Variants in RSPH10B2 observed in about 807,000 individuals in gnomAD.
RSPH10B2 encodes the protein radial spoke head 10 homolog B2.
RSPH10B2 carries 9 observed loss-of-function variants against 49.0 expected under a neutral mutation model. That is an observed-to-expected ratio of 0.18 (90% confidence interval 0.11 to 0.32). The LOEUF (loss-of-function observed/expected upper bound fraction) is 0.32, where lower values mean the gene tolerates loss of function less well. Ranked by LOEUF, RSPH10B2 falls within the 10% of genes least tolerant of loss-of-function variation. RSPH10B2 has a pLI of 1.00. For missense variants in RSPH10B2, 95 were observed against 589.9 expected (o/e 0.16, Z 8.69); for synonymous variants, 35 against 210.2 (o/e 0.17, Z 7.21).
chr7:6,769,754 C>CTT lies in RSPH10B2; in HGVS notation c.957+1011_957+1012dup, dbSNP rs911131827. On this transcript the variant is annotated intron_variant, in intron 7 of 18. Coordinates refer to ENST00000297186, the Ensembl canonical transcript of RSPH10B2. ...CAGGTGTGCGCCACCACGCCCGGCT[C>CTT]TTTTTTTTTTTTTTTTTTTTTTTTA... 7.8e-5 allele frequency among the ~76,000 whole-genome samples: 6 copies of CTT among 76,638 alleles called. No homozygotes were observed. The East Asian group carries it at 8.1e-4, about 10-fold the overall frequency. The allele number at this position is 76,638 out of a possible 152,430, so 50.3% of individuals were successfully genotyped here. A position where few individuals can be genotyped will look rare whatever the true frequency, so the allele number is the denominator to read the frequency against.
rs1433611998 is a variant in RSPH10B2 at position 6,780,757 on chromosome 7, T to C, written c.1530-52T>C. On this transcript the variant is annotated intron_variant, in intron 11 of 18. Transcript: ENST00000297186. ...CGTGCTCAAGGAGAAGGGAATTATG[T>C]TCCCTCTTTTGGAGGAGAAGTAACT... The C allele has an allele frequency of 4.3e-4, 564 of 1,309,156 alleles. 146 individuals carry two copies. The highest frequency in any genetic ancestry group is 5.5e-4 in the Non-Finnish European group (546 of 994,646). The allele number at this position is 1,309,156 out of a possible 1,614,324, so 81.1% of individuals were successfully genotyped here. A position where few individuals can be genotyped will look rare whatever the true frequency, so the allele number is the denominator to read the frequency against.
intron 17 of RSPH10B2, among the ~76,000 whole-genome samples, chr7:6,792,609 C>T (rs1444254754): frequency 8.6e-6 from 1 of 115,982 alleles, no homozygotes; most frequent in African/African-American, 3.4e-5. Flanking sequence ...ATTCCTCAGC[C>T]GTGTCCGTGT....
At chr7:6,758,769 C>T (rs1208172972) in intron 1 of RSPH10B2, among the ~76,000 whole-genome samples, 16 of 118,564 alleles carry the variant, frequency 1.3e-4, no homozygotes, top group Non-Finnish European at 2.3e-4. Context: ...CACTTGAACC[C>T]GGGAGGCAGA....
intron 4 of RSPH10B2, among the ~76,000 whole-genome samples, chr7:6,764,825 T>A (rs1437937092): frequency 1.5e-5 from 2 of 136,732 alleles, no homozygotes; most frequent in Admixed American, 7.7e-5. Context: ...CAAGAAGGAA[T>A]GAGTTTGCCT....
Position 6,782,759 on chromosome 7 carries a change from T to C in RSPH10B2, c.1758+1283T>C, listed in dbSNP as rs2115457742. Among the ~76,000 whole-genome samples the C allele has an allele frequency of 1.7e-5, 2 of 116,196 alleles. 1 individual carries two copies. Among genetic ancestry groups the C allele is most frequent in the South Asian group, 7.9e-4 (2 of 2,526 alleles). 76.2% of individuals were successfully genotyped at this position (116,196 alleles called of 152,430 possible). On this transcript the variant is annotated intron_variant, in intron 13 of 18. Coordinates refer to ENST00000297186, the Ensembl canonical transcript of RSPH10B2. ...TTAGCCAGGCATGGTGGCCAGAGCC[T>C]GTAATCCCAGCCACTTCGGAGGCTG...
intron 6 of RSPH10B2, 113 bp downstream of exon 8, chr7:6,766,990 T>C (rs1583503783): frequency 9.6e-7 from 1 of 1,044,306 alleles, no homozygotes; most frequent in East Asian, 2.4e-5. Context: ...AGACAGAGTC[T>C]CTCTCTGTCT....
chr7:6,783,551 C>T (rs1250291083), intron 13 of RSPH10B2, among the ~76,000 whole-genome samples: 1 of 125,668 alleles, frequency 8.0e-6, no homozygotes, highest in East Asian at 2.5e-4. Context: ...TGGCTTCCTG[C>T]AACCTCAACC....
chr7:6,763,813 G>C, intron 3 of RSPH10B2, 115 bp from the exon 6 acceptor site: 1 of 905,484 alleles, frequency 1.1e-6, no homozygotes, highest in Non-Finnish European at 1.7e-6. Context: ...GTCCACAGGA[G>C]AGGCAAGAAC....
At chr7:6,763,709 T>G (rs1321635296) in intron 3 of RSPH10B2, among the ~76,000 whole-genome samples, 1 of 146,054 alleles carries the variant, frequency 6.8e-6, no homozygotes, top group Non-Finnish European at 1.5e-5. Flanking sequence ...TCCTCCTGCC[T>G]GAGCTTCCGC....
intron 9 of RSPH10B2, among the ~76,000 whole-genome samples, chr7:6,775,108 CAG>C (rs1412621156): frequency 2.0e-3 from 203 of 99,930 alleles, no homozygotes; most frequent in Admixed American, 3.2e-3. Context: ...TTAGTAGAGA[CAG>C]GGTTTCACCG....
At chr7:6,795,422 C>T (rs1253873116) in intron 17 of RSPH10B2, among the ~76,000 whole-genome samples, 1 of 36,498 alleles carries the variant, frequency 2.7e-5, no homozygotes, top group African/African-American at 9.8e-5. Context: ...ACACAGCTAT[C>T]CTTGTCTCTA....
intron 17 of RSPH10B2, among the ~76,000 whole-genome samples, chr7:6,796,176 C>T (rs1448218823): frequency 8.2e-6 from 1 of 122,696 alleles, no homozygotes; most frequent in East Asian, 2.2e-4. Context: ...AAAAATTAGC[C>T]GAGTGTGATG....
chr7:6,782,815 C>T (rs1174988706), intron 13 of RSPH10B2, among the ~76,000 whole-genome samples: 25 of 114,534 alleles, frequency 2.2e-4, no homozygotes, highest in South Asian at 4.0e-4. Context: ...CCTGGGAGGC[C>T]GAGGTTGCAA....
At chr7:6,785,403 C>T (rs1408716116) in intron 13 of RSPH10B2, among the ~76,000 whole-genome samples, 2 of 152,306 alleles carry the variant, frequency 1.3e-5, no homozygotes, top group Middle Eastern at 3.2e-3. Flanking sequence ...ATCCCCAACG[C>T]CTGGGCTCAA....
Position 6,793,026 on chromosome 7 carries a change from T to A in RSPH10B2, c.2233+1029T>A, listed in dbSNP as rs2952951. Among the ~76,000 whole-genome samples, 60 of 111,356 alleles carry A rather than the reference T, an allele frequency of 5.4e-4. 3 individuals are homozygous for A. Among genetic ancestry groups the A allele is most frequent in the East Asian group, 4.7e-3 (13 of 2,750 alleles). The allele number at this position is 111,356 out of a possible 152,430, so 73.1% of individuals were successfully genotyped here. ...TCTGCCTGCCTCGGCTTCCTAAAGT[T>A]CTGAGATTACAGGTGTGAGCCCACC... On this transcript the variant is annotated intron_variant, in intron 17 of 18. Coordinates refer to ENST00000297186, the Ensembl canonical transcript of RSPH10B2.
At chr7:6,758,513 A>T (rs1197248507) in intron 1 of RSPH10B2, among the ~76,000 whole-genome samples, 1 of 129,712 alleles carries the variant, frequency 7.7e-6, no homozygotes, top group Non-Finnish European at 1.7e-5. Flanking sequence ...ATTCAATGGC[A>T]TTAAGTACGT....
chr7:6,781,305 T>C lies in RSPH10B2; in HGVS notation c.1610-23T>C. On this transcript the variant is annotated intron_variant, in intron 12 of 18. Transcript: ENST00000297186. ...TTCTCAAAACATAAATCTGTAATCA[T>C]TTTTCGAACGTTGTATTTTTAGGCA... 3.1e-6 allele frequency: 4 copies of C among 1,287,782 alleles called. 1 individual carries two copies. The highest frequency in any genetic ancestry group is 4.1e-6 in the Non-Finnish European group (4 of 979,764). 79.8% of individuals were successfully genotyped at this position (1,287,782 alleles called of 1,614,324 possible).
At chr7:6,795,813 C>A (rs937050527) in intron 17 of RSPH10B2, among the ~76,000 whole-genome samples, 1 of 148,038 alleles carries the variant, frequency 6.8e-6, no homozygotes, top group African/African-American at 2.5e-5. Flanking sequence ...CCTGTATTCT[C>A]AGCTATTAGG....
At chr7:6,787,697 CAG>C (rs1199872649) in intron 15 of RSPH10B2, among the ~76,000 whole-genome samples, 5 of 40,182 alleles carry the variant, frequency 1.2e-4, no homozygotes, top group Admixed American at 3.2e-4. Context: ...TTTTTTGAGA[CAG>C]AGCTTCATTC....
Sources: gnomAD v4.1 joint callset for allele counts (sites outside exome capture counted in the v4.1 genomes callset) on GRCh38, gnomAD v4.1.1 for gene constraint, MANE v1.5 for transcripts, NCBI Gene and HGNC (gene_info 2026-07-23, HGNC 2026-07-21) for gene names.